The following RGS20 variants were observed in gnomAD, a reference collection of about 807,000 sequenced individuals.
RGS20 encodes gz-selective GTPase-activating protein.
A neutral mutation model predicts 33.6 loss-of-function variants in RGS20; 30 were observed. That is an observed-to-expected ratio of 0.89 (90% CI 0.67 to 1.21). The LOEUF (loss-of-function observed/expected upper bound fraction) is 1.21. Ranked by LOEUF, RGS20 falls within the 50% of genes most tolerant of loss-of-function variation. RGS20 has a pLI of 0.00. For synonymous variants in RGS20, 208 were observed against 197.9 expected (o/e 1.05, Z -0.43); for missense variants, 472 against 502.4 (o/e 0.94, Z 0.58).
chr8:53,909,255 A>ATATATAT (rs1813281717), intron 2 of RGS20, among the ~76,000 whole-genome samples: 2 of 69,724 alleles, frequency 2.9e-5, no homozygotes, highest in African/African-American at 4.5e-5. Flanking sequence ...ATATATATAT[A>ATATATAT]CTTTTTTTTT....
At chr8:53,902,853 G>A (rs59939582) in intron 2 of RGS20, among the ~76,000 whole-genome samples, 16,046 of 152,058 alleles carry the variant, frequency 0.11, 2,468 homozygotes, top group African/African-American at 0.34. Context: ...AGCTTCCCGA[G>A]TAGCTGGGAT....
chr8:53,894,036 A>G (rs914419507), intron 2 of RGS20, among the ~76,000 whole-genome samples: 1 of 152,348 alleles, frequency 6.6e-6, no homozygotes, highest in Non-Finnish European at 1.5e-5. Context: ...CATTTGTTAA[A>G]ATCTATCAAG....
intron 1 of RGS20, among the ~76,000 whole-genome samples, chr8:53,852,676 TTA>T (rs1362930016): frequency 6.6e-6 from 1 of 152,206 alleles, no homozygotes; most frequent in Non-Finnish European, 1.5e-5. Flanking sequence ...CTCTTAGCTA[TTA>T]ATAGAACCAT....
chr8:53,868,685 A>T (rs922689560), intron 1 of RGS20, among the ~76,000 whole-genome samples: 7 of 152,064 alleles, frequency 4.6e-5, no homozygotes, highest in Non-Finnish European at 5.9e-5. Context: ...TCTATATTAG[A>T]TATAGATATA....
chr8:53,958,265 G>A lies in RGS20; in HGVS notation c.979-5G>A, dbSNP rs374925308. 272 of 1,598,232 alleles carry A rather than the reference G, an allele frequency of 1.7e-4. No individual in the cohort carries two copies. The highest frequency in any genetic ancestry group is 1.0e-3 in the East Asian group (46 of 43,872). ...AATACAGCTCCTACTCGTTTCTGTCGACAGGTGAGCTTAGACTCCCGGGTG... is the reference window on the plus strand; with the variant it reads ...AATACAGCTCCTACTCGTTTCTGTCAACAGGTGAGCTTAGACTCCCGGGTG... On this transcript the variant is annotated splice_polypyrimidine_tract_variant and splice_region_variant and intron_variant, in intron 5 of 5. Coordinates refer to ENST00000297313, the MANE Select transcript of RGS20 (RefSeq NM_170587.4).
chr8:53,948,333 G>GTATATATTTATATATGCTATATATGAC (rs1563431949), intron 4 of RGS20, among the ~76,000 whole-genome samples: 1 of 131,884 alleles, frequency 7.6e-6, no homozygotes, highest in African/African-American at 3.0e-5. Flanking sequence ...CTATATATAA[G>GTATATATTTATATATGCTATATATGAC]ACAGTATATA....
intron 1 of RGS20, among the ~76,000 whole-genome samples, chr8:53,872,599 G>C (rs575578279): frequency 2.0e-5 from 3 of 152,130 alleles, no homozygotes; most frequent in African/African-American, 7.2e-5. Context: ...TCTGGTTTCT[G>C]TTTCCGCTGT....
At chr8:53,891,638 C>T (rs1215872873) in intron 2 of RGS20, among the ~76,000 whole-genome samples, 1 of 151,966 alleles carries the variant, frequency 6.6e-6, no homozygotes. Flanking sequence ...AAGTGATCTG[C>T]CTTGACCTAT....
intron 2 of RGS20, among the ~76,000 whole-genome samples, chr8:53,904,015 G>C (rs1813099699): frequency 6.6e-6 from 1 of 152,142 alleles, no homozygotes; most frequent in Non-Finnish European, 1.5e-5. Flanking sequence ...TTAGGATTGG[G>C]AGGAGTTGAG....
At chr8:53,883,788 T>C (rs1439882119) in intron 2 of RGS20, among the ~76,000 whole-genome samples, 4 of 151,848 alleles carry the variant, frequency 2.6e-5, no homozygotes, top group Admixed American at 1.3e-4. Flanking sequence ...CTACTAAAAA[T>C]ACAAAAAATT....
chr8:53,880,986 T>A (rs1199513466), intron 2 of RGS20: 1 of 1,591,706 alleles, frequency 6.3e-7, no homozygotes, highest in South Asian at 1.1e-5. Context: ...CCCTCCGCGC[T>A]GCAATATTGA....
At chr8:53,950,298 C>A (rs1480167834) in intron 4 of RGS20, among the ~76,000 whole-genome samples, 1 of 152,068 alleles carries the variant, frequency 6.6e-6, no homozygotes, top group Non-Finnish European at 1.5e-5. Context: ...CTGAAGGTAT[C>A]CAAAAAGACC....
chr8:53,944,502 C>T (rs1429916312), intron 3 of RGS20, among the ~76,000 whole-genome samples: 1 of 149,834 alleles, frequency 6.7e-6, no homozygotes, highest in Non-Finnish European at 1.5e-5. Flanking sequence ...CACGCCATTG[C>T]ACTCCAGCCT....
At chr8:53,889,850 G>A (rs118172090) in intron 2 of RGS20, among the ~76,000 whole-genome samples, 2 of 151,812 alleles carry the variant, frequency 1.3e-5, no homozygotes, top group African/African-American at 4.8e-5. Context: ...GGAAAGTTAT[G>A]CTTCTTTGAA....
chr8:53,874,889 G>A (rs1192895192), intron 1 of RGS20, among the ~76,000 whole-genome samples: 1 of 152,140 alleles, frequency 6.6e-6, no homozygotes, highest in Non-Finnish European at 1.5e-5. Context: ...AGGTACTAGG[G>A]ACTAGAATTT....
At chr8:53,863,069 A>T in intron 1 of RGS20, among the ~76,000 whole-genome samples, 1 of 151,910 alleles carries the variant, frequency 6.6e-6, no homozygotes, top group East Asian at 1.9e-4. Flanking sequence ...GCTCACCGCA[A>T]CCTCTGCCTC....
At chr8:53,885,861 A>G (rs922650342) in intron 2 of RGS20, among the ~76,000 whole-genome samples, 2 of 141,394 alleles carry the variant, frequency 1.4e-5, no homozygotes, top group Non-Finnish European at 3.0e-5. Flanking sequence ...AATACTTTGC[A>G]TCTTGGGATA....
intron 2 of RGS20, among the ~76,000 whole-genome samples, chr8:53,936,443 T>C (rs1253247273): frequency 6.6e-6 from 1 of 152,180 alleles, no homozygotes; most frequent in Non-Finnish European, 1.5e-5. Flanking sequence ...CAAGCATTCC[T>C]ATACACCAAG....
chr8:53,898,219 C>T (rs1234645990), intron 2 of RGS20, among the ~76,000 whole-genome samples: 1 of 152,132 alleles, frequency 6.6e-6, no homozygotes, highest in Non-Finnish European at 1.5e-5. Context: ...CCCTTCTGCA[C>T]TGTTAATTTG....
Sources: gnomAD v4.1 joint callset for allele counts (sites outside exome capture counted in the v4.1 genomes callset) on GRCh38, gnomAD v4.1.1 for gene constraint, MANE v1.5 for transcripts, NCBI Gene and HGNC (gene_info 2026-07-23, HGNC 2026-07-21) for gene names.